The following RHBDD1 variants were observed in gnomAD, a reference collection of about 807,000 sequenced individuals.
RHBDD1 encodes the protein rhomboid-related protein 4.
Under a neutral mutation model 36.3 loss-of-function variants are expected in RHBDD1, and 38 were observed. The ratio of observed to expected loss-of-function variants is 1.05; its 90% CI spans 0.81 to 1.37. The LOEUF is 1.37. Among genes scored for constraint, RHBDD1 ranks in the 40% most tolerant of loss-of-function variants. RHBDD1 has a pLI of 0.00. For synonymous variants in RHBDD1, 151 were observed against 136.5 expected, an observed-to-expected ratio of 1.11 and a Z score of -0.74; for missense variants, 393 against 377.6, an observed-to-expected ratio of 1.04 and a Z score of -0.34.
chr2:226,826,035 G>A, the RHBDD1 span, among the ~76,000 whole-genome samples: 2 of 152,190 alleles, frequency 1.3e-5, no homozygotes, highest in African/African-American at 4.8e-5. Context: ...AGCTCTTACA[G>A]GATGTTAGAT....
At chr2:226,808,145 A>T in the RHBDD1 span, among the ~76,000 whole-genome samples, 1 of 152,218 alleles carries the variant, frequency 6.6e-6, no homozygotes, top group East Asian at 1.9e-4. Flanking sequence ...GTCATTCGTA[A>T]AGATGGTGAG....
the RHBDD1 span, among the ~76,000 whole-genome samples, chr2:226,806,740 C>T: frequency 6.6e-6 from 1 of 152,172 alleles, no homozygotes; most frequent in Non-Finnish European, 1.5e-5. Context: ...CTCAATCTCA[C>T]ACTTTCTCTT....
At chr2:226,853,967 A>T (rs1420095580) in intron 3 of RHBDD1, among the ~76,000 whole-genome samples, 2 of 144,730 alleles carry the variant, frequency 1.4e-5, no homozygotes, top group Non-Finnish European at 2.9e-5. Flanking sequence ...CTAATCGATA[A>T]GGTGGAACTA....
At chr2:226,868,346 G>A (rs923613565) in intron 5 of RHBDD1, among the ~76,000 whole-genome samples, 1 of 152,190 alleles carries the variant, frequency 6.6e-6, no homozygotes, top group Non-Finnish European at 1.5e-5. Flanking sequence ...AGCCTTGTGA[G>A]GATTCAGGCC....
rs142642955 is a variant in RHBDD1, at chr2:226,997,743, G to A, written c.*2221G>A. 6.6e-6 allele frequency: 1 copy of A among 152,222 alleles called. No individual in the cohort carries two copies. The highest frequency in any genetic ancestry group is 1.5e-5 in the Non-Finnish European group (1 of 68,038). The allele number at this position is 152,222 out of a possible 1,614,324, so 9.4% of individuals were successfully genotyped here. ...TGGTAAAATTGTGATACGCATGGCT[G>A]TTGATGGAGTGGAACATCTTAGTGA... On this transcript the variant is annotated 3_prime_UTR_variant, in exon 9 of 9. Transcript: ENST00000392062.
the RHBDD1 span, among the ~76,000 whole-genome samples, chr2:226,812,772 C>T: frequency 6.6e-6 from 1 of 152,046 alleles, no homozygotes; most frequent in African/African-American, 2.4e-5. Context: ...TCCCATATTG[C>T]TTGTTTTGTT....
chr2:226,923,103 A>G (rs940082617), intron 8 of RHBDD1, among the ~76,000 whole-genome samples: 5 of 152,208 alleles, frequency 3.3e-5, no homozygotes, highest in Non-Finnish European at 7.3e-5. Context: ...TCTGTGGCTT[A>G]CTATTACCAG....
rs559644320 is a variant in RHBDD1, at chr2:226,888,156, G to A, written c.567-18637G>A. Among the ~76,000 whole-genome samples, 24 of 152,286 alleles carry A rather than the reference G, an allele frequency of 1.6e-4. No homozygotes were observed. In the South Asian group the frequency reaches 4.8e-3, roughly 30 times the overall value. On this transcript the variant is annotated intron_variant, in intron 5 of 8. Coordinates refer to ENST00000392062, the MANE Select transcript of RHBDD1 (RefSeq NM_001167608.3). Reference sequence around the variant, plus strand: ...CCTTAGTGCTTGCCCATACAGCCACGTAGTTGGTGAGCAGCATTGGTGGAA... The same window carrying A: ...CCTTAGTGCTTGCCCATACAGCCACATAGTTGGTGAGCAGCATTGGTGGAA...
the RHBDD1 span, chr2:226,808,539 C>T: frequency 6.6e-6 from 1 of 152,170 alleles, no homozygotes; most frequent in African/African-American, 2.4e-5. Flanking sequence ...TGTCTGGCAC[C>T]TGCGTTAGAA....
intron 8 of RHBDD1, among the ~76,000 whole-genome samples, chr2:226,983,464 C>T (rs937683356): frequency 1.3e-5 from 2 of 152,176 alleles, no homozygotes; most frequent in African/African-American, 2.4e-5. Flanking sequence ...CAATCCATTT[C>T]TTTTCCCAGG....
chr2:226,982,341 G>T (rs571982908), intron 8 of RHBDD1, among the ~76,000 whole-genome samples: 12 of 152,208 alleles, frequency 7.9e-5, no homozygotes, highest in Non-Finnish European at 1.2e-4. Flanking sequence ...CTCCTAGGCC[G>T]CAGATAATCT....
At chr2:226,840,831 G>T in intron 3 of RHBDD1, among the ~76,000 whole-genome samples, 1 of 151,514 alleles carries the variant, frequency 6.6e-6, no homozygotes. Context: ...ATATATAGGG[G>T]TGTGTGTGTG....
intron 4 of RHBDD1, 22 bp downstream of exon 4, chr2:226,865,148 G>C: frequency 6.4e-7 from 1 of 1,568,276 alleles, no homozygotes; most frequent in African/African-American, 1.4e-5. Context: ...AAAATTTTGA[G>C]GTTGCATGCA....
chr2:226,917,907 A>G (rs1208990999), intron 8 of RHBDD1, among the ~76,000 whole-genome samples: 1 of 152,182 alleles, frequency 6.6e-6, no homozygotes, highest in East Asian at 1.9e-4. Context: ...AAAAGTTAAT[A>G]GTTAATTGAT....
At chr2:226,869,395 T>C (rs1188446277) in intron 5 of RHBDD1, among the ~76,000 whole-genome samples, 1 of 152,252 alleles carries the variant, frequency 6.6e-6, no homozygotes, top group Non-Finnish European at 1.5e-5. Context: ...TGAATGCTTC[T>C]TTGAGATGGA....
At chr2:226,833,902 T>A (rs1023352406), upstream of RHBDD1, among the ~76,000 whole-genome samples, 1 of 152,142 alleles carries the variant, frequency 6.6e-6, no homozygotes, top group Non-Finnish European at 1.5e-5. Flanking sequence ...CAGAAACTTT[T>A]AAAAAACCCA....
At chr2:226,960,361 T>TA (rs1952104741) in intron 8 of RHBDD1, among the ~76,000 whole-genome samples, 1 of 152,254 alleles carries the variant, frequency 6.6e-6, no homozygotes, top group African/African-American at 2.4e-5. Context: ...ATAAGTCTGT[T>TA]ACTTTGGCAT....
At chr2:226,830,307 G>A in the RHBDD1 span, among the ~76,000 whole-genome samples, 1 of 152,136 alleles carries the variant, frequency 6.6e-6, no homozygotes, top group Non-Finnish European at 1.5e-5. Flanking sequence ...AGAGGGTGCT[G>A]TCTATGAGGA....
chr2:226,813,283 A>C, the RHBDD1 span, among the ~76,000 whole-genome samples: 1 of 152,216 alleles, frequency 6.6e-6, no homozygotes, highest in African/African-American at 2.4e-5. Flanking sequence ...TAAACTGATT[A>C]TCAAGGTAAA....
Sources: allele counts gnomAD v4.1 joint callset (sites outside exome capture counted in the v4.1 genomes callset), GRCh38; gene constraint gnomAD v4.1.1; transcripts MANE v1.5; gene names NCBI Gene and HGNC (gene_info 2026-07-23, HGNC 2026-07-21).